The following C8orf34 variants were observed in gnomAD, a reference collection of about 807,000 sequenced individuals.
The protein encoded by C8orf34 is uncharacterized protein C8orf34.
Under a neutral mutation model 68.3 loss-of-function variants are expected in C8orf34, and 65 were observed. The observed-to-expected ratio is 0.95, with a 90% CI of 0.78 to 1.17. C8orf34 has a LOEUF of 1.17. C8orf34 is among the 50% of genes most tolerant of loss of function. The pLI is 0.00. For synonymous variants in C8orf34, 244 were observed against 241.2 expected (o/e 1.01, Z -0.11); for missense variants, 664 against 655.4 (o/e 1.01, Z -0.14).
chr8:68,702,041 T>G (rs1047905910), intron 8 of C8orf34, among the ~76,000 whole-genome samples: 1 of 151,922 alleles, frequency 6.6e-6, no homozygotes, highest in African/African-American at 2.4e-5. Context: ...GTGCTTTACA[T>G]TTCCTTCCTT....
intron 12 of C8orf34, chr8:68,790,796 T>C: frequency 1.4e-6 from 1 of 692,754 alleles, no homozygotes; most frequent in South Asian, 1.5e-5. Flanking sequence ...AACACTCATA[T>C]TCTGGGACTC....
At chr8:68,733,684 T>A (rs1822047638) in intron 10 of C8orf34, among the ~76,000 whole-genome samples, 1 of 152,196 alleles carries the variant, frequency 6.6e-6, no homozygotes, top group Admixed American at 6.5e-5. Flanking sequence ...TTTAGTTTGC[T>A]TATACAGAAA....
chr8:68,639,601 A>T (rs894129516), intron 7 of C8orf34, among the ~76,000 whole-genome samples: 1 of 152,100 alleles, frequency 6.6e-6, no homozygotes, highest in Non-Finnish European at 1.5e-5. Context: ...TTGAAACTTT[A>T]TGTATCTTTA....
intron 11 of C8orf34, among the ~76,000 whole-genome samples, chr8:68,783,653 A>G (rs1402775517): frequency 6.6e-6 from 1 of 152,012 alleles, no homozygotes; most frequent in African/African-American, 2.4e-5. Flanking sequence ...CCCTACTTCA[A>G]GCTGGAGCTG....
intron 8 of C8orf34, among the ~76,000 whole-genome samples, chr8:68,663,361 C>G (rs1819741524): frequency 6.6e-6 from 1 of 152,178 alleles, no homozygotes; most frequent in Non-Finnish European, 1.5e-5. Flanking sequence ...TTGTTTTTCT[C>G]TTGTTAATTT....
intron 8 of C8orf34, among the ~76,000 whole-genome samples, chr8:68,662,455 G>A (rs1258919802): frequency 6.6e-6 from 1 of 152,118 alleles, no homozygotes; most frequent in Non-Finnish European, 1.5e-5. Context: ...GGGCCAGGTG[G>A]AGGTAATTGA....
At chr8:68,620,085 A>G (rs1179748731) in intron 7 of C8orf34, among the ~76,000 whole-genome samples, 2 of 152,176 alleles carry the variant, frequency 1.3e-5, no homozygotes, top group Admixed American at 6.5e-5. Context: ...TCCATTCAGT[A>G]TTCACACATC....
At chr8:68,396,000 T>C (rs1050625819) in intron 1 of C8orf34, among the ~76,000 whole-genome samples, 12 of 152,102 alleles carry the variant, frequency 7.9e-5, no homozygotes, top group African/African-American at 9.7e-5. Flanking sequence ...GCAGTAGATA[T>C]AGAAGTTTAG....
chr8:68,556,304 T>C (rs921255359), intron 7 of C8orf34, among the ~76,000 whole-genome samples: 2 of 151,432 alleles, frequency 1.3e-5, no homozygotes, highest in Admixed American at 6.6e-5. Flanking sequence ...CTTTTTTTTT[T>C]TTTTTTTTGC....
chr8:68,361,459 G>A (rs1806995006), intron 1 of C8orf34, among the ~76,000 whole-genome samples: 1 of 152,158 alleles, frequency 6.6e-6, no homozygotes, highest in South Asian at 2.1e-4. Context: ...CTGGCAGCTG[G>A]CACAATGAGC....
intron 8 of C8orf34, among the ~76,000 whole-genome samples, chr8:68,656,983 AT>A (rs1819527449): frequency 6.6e-6 from 1 of 152,174 alleles, no homozygotes; most frequent in Non-Finnish European, 1.5e-5. Context: ...GAATACACAT[AT>A]AGTGATAATT....
intron 10 of C8orf34, among the ~76,000 whole-genome samples, chr8:68,732,562 T>A (rs2129526911): frequency 6.6e-6 from 1 of 152,292 alleles, no homozygotes; most frequent in Non-Finnish European, 1.5e-5. Context: ...TTAGCAATTT[T>A]TCTCTTGTCT....
At chr8:68,730,355 C>T (rs1821946113) in intron 10 of C8orf34, among the ~76,000 whole-genome samples, 1 of 152,036 alleles carries the variant, frequency 6.6e-6, no homozygotes, top group Non-Finnish European at 1.5e-5. Context: ...TGGAATTTCC[C>T]TTGGCTTTTA....
At chr8:68,336,414 G>T (rs1585936390) in intron 1 of C8orf34, among the ~76,000 whole-genome samples, 1 of 151,878 alleles carries the variant, frequency 6.6e-6, no homozygotes, top group East Asian at 1.9e-4. Flanking sequence ...TAAATATATT[G>T]AAAAAATATA....
At chr8:68,675,578 A>C (rs929725004) in intron 8 of C8orf34, among the ~76,000 whole-genome samples, 3 of 151,906 alleles carry the variant, frequency 2.0e-5, no homozygotes, top group African/African-American at 4.8e-5. Context: ...ATAAAAAAAA[A>C]ACACACACAA....
chr8:68,397,287 C>G (rs1483362206), intron 1 of C8orf34, among the ~76,000 whole-genome samples: 1 of 151,984 alleles, frequency 6.6e-6, no homozygotes, highest in East Asian at 1.9e-4. Flanking sequence ...TACAGGCATT[C>G]ATTGTTTTTA....
At chr8:68,676,000 A>C (rs1820177802) in intron 8 of C8orf34, among the ~76,000 whole-genome samples, 1 of 152,190 alleles carries the variant, frequency 6.6e-6, no homozygotes, top group South Asian at 2.1e-4. Context: ...TGATTATATA[A>C]TAATGGGGTC....
chr8:68,731,875 G>T (rs182638427), intron 10 of C8orf34, among the ~76,000 whole-genome samples: 1 of 152,222 alleles, frequency 6.6e-6, no homozygotes, highest in Non-Finnish European at 1.5e-5. Context: ...TTCCCAAATA[G>T]TTTGTCCCAG....
chr8:68,445,845 A>G (rs1437524701), intron 2 of C8orf34, among the ~76,000 whole-genome samples: 1 of 152,146 alleles, frequency 6.6e-6, no homozygotes, highest in East Asian at 1.9e-4. Flanking sequence ...GCTGGAGTGC[A>G]GTGGCACAGT....
Sources: gnomAD v4.1 joint callset for allele counts (sites outside exome capture counted in the v4.1 genomes callset) on GRCh38, gnomAD v4.1.1 for gene constraint, MANE v1.5 for transcripts, NCBI Gene and HGNC (gene_info 2026-07-23, HGNC 2026-07-21) for gene names.